DENND1C: variants seen among roughly 807,000 people sequenced by gnomAD.
DENND1C encodes DENN domain-containing protein 1C.
Under a neutral mutation model 87.9 loss-of-function variants are expected in DENND1C, and 64 were observed. The observed-to-expected ratio is 0.73, with a 90% CI of 0.60 to 0.90. DENND1C has a LOEUF of 0.90. DENND1C is among the 40% of genes least tolerant of loss of function. The pLI is 0.00. For missense variants in DENND1C, 980 were observed against 1,037.0 expected, an observed-to-expected ratio of 0.95 and a Z score of 0.76; for synonymous variants, 384 against 424.4, an observed-to-expected ratio of 0.90 and a Z score of 1.17.
At chr19:6,470,842 G>C (rs1467888758) in intron 17 of DENND1C, among the ~76,000 whole-genome samples, 1 of 151,764 alleles carries the variant, frequency 6.6e-6, no homozygotes, top group Non-Finnish European at 1.5e-5. Context: ...GGATGGTCTC[G>C]ATCTCCTGAC....
At position 6,477,383 on chromosome 19, in the gene DENND1C, C is replaced by T. The variant is rs780190888; in HGVS notation, c.442G>A (p.Glu148Lys). Residue 148 changes from glutamate to lysine, a missense_variant, in exon 7 of 23, where the codon GAG becomes AAG. Coordinates refer to ENST00000381480, the MANE Select transcript of DENND1C (RefSeq NM_024898.4). ...LSGPQASVGL[E>K]LGSGVTVSSG... ...AGGGAATGGGAGCTACTCACCAGCT[C>T]AAGCCCCACTGAGGCCTGGGGCCCA... The T allele has an allele frequency of 3.1e-6, 5 of 1,613,348 alleles. No homozygotes were observed. Among genetic ancestry groups the T allele is most frequent in the African/African-American group, 1.3e-5 (1 of 74,850 alleles).
chr19:6,478,505 C>T lies in DENND1C; in HGVS notation c.366+278G>A, dbSNP rs113133278. Among the ~76,000 whole-genome samples, 364 of 152,102 alleles carry T rather than the reference C, an allele frequency of 2.4e-3. 1 individual carries two copies. The highest frequency in any genetic ancestry group is 4.1e-3 in the Non-Finnish European group (281 of 67,984). On this transcript the variant is annotated intron_variant, in intron 6 of 22. Transcript: ENST00000381480. ...TCCTGACCTCAGGTGATCCGCTCGC[C>T]TTGTCCTCCCAAAGTGCTGGGATTA...
rs1457992535 is a variant in DENND1C at position 6,468,289 on chromosome 19, G to A, written c.1736C>T (p.Pro579Leu). The part of the protein sequence containing the change: ...MGAKSAGSLR[P>L]SQSLDCCHRG... ...GTGACAGCAGTCTAAACTCTGGCTC[G>A]GTCTCAGGCTGCCTGCGCTCTTGGC... The change falls in exon 22 of 23, where the codon CCG becomes CTG. Residue 579 changes from proline (P) to leucine (L), a missense_variant. Pro to Leu is a moderately conservative substitution (Grantham distance 98). Transcript: ENST00000381480. The A allele has an allele frequency of 3.7e-6, 6 of 1,613,604 alleles. No individual in the cohort carries two copies. The highest frequency in any genetic ancestry group is 2.2e-5 in the South Asian group (2 of 91,024).
At chr19:6,472,689 G>A (rs1441333505) in intron 15 of DENND1C, among the ~76,000 whole-genome samples, 200 bp downstream of exon 15, 1 of 151,974 alleles carries the variant, frequency 6.6e-6, no homozygotes, top group African/African-American at 2.4e-5. Flanking sequence ...GTGCCCAGCC[G>A]GGGGCTCCCA....
At chr19:6,481,521 G>T in intron 1 of DENND1C, 158 bp downstream of exon 1, 1 of 987,362 alleles carries the variant, frequency 1.0e-6, no homozygotes, top group Non-Finnish European at 1.5e-6. Context: ...CCAGAGTGAA[G>T]GTCATAGCGG....
At chr19:6,477,490 G>A (rs2092869565) in intron 6 of DENND1C, 32 bp from the exon 7 acceptor site, 4 of 1,600,588 alleles carry the variant, frequency 2.5e-6, no homozygotes, top group Non-Finnish European at 2.6e-6. Flanking sequence ...GGGGGTGGCT[G>A]AGCCAGATGT....
chr19:6,468,378 G>A lies in DENND1C; in HGVS notation c.1647C>T (p.Ser549=), dbSNP rs2092808031. ...CCAGTTCTTCTCCAGACCCCAAGAA[G>A]CTGCTGTCCAGAGCTTCTTCTGCCC... ...CPWAEEALDS[S]FLGSGEELDL... is the part of the protein sequence containing the mutation. The change falls in exon 22 of 23, where the codon AGC becomes AGT. Residue 549 remains serine (S), a synonymous_variant. Coordinates refer to ENST00000381480, the MANE Select transcript of DENND1C (RefSeq NM_024898.4). 1.9e-6 allele frequency: 3 copies of A among 1,613,900 alleles called. No individual in the cohort carries two copies. Among genetic ancestry groups the A allele is most frequent in the Non-Finnish European group, 2.5e-6 (3 of 1,179,858 alleles).
chr19:6,480,715 C>G (rs1246799294), intron 1 of DENND1C, among the ~76,000 whole-genome samples: 2 of 152,020 alleles, frequency 1.3e-5, no homozygotes, highest in Non-Finnish European at 2.9e-5. Flanking sequence ...AAGCGATTCT[C>G]CTGCCTCAGC....
Position 6,472,918 on chromosome 19 carries a change from G to T in DENND1C, c.1129C>A (p.Arg377=). ...TTGAACAGCTGCAGGTGCACAGCCC[G>T]CCGGTGGAAGGCCTGCAGAGGTGCC... ...PGAPLQAFHR[R]AVHLQLFKQF... is the part of the protein sequence containing the mutation. The change falls in exon 15 of 23, where the codon CGG becomes AGG. Residue 377 remains arginine (R), a synonymous_variant. Coordinates refer to ENST00000381480, the MANE Select transcript of DENND1C (RefSeq NM_024898.4). 6.3e-7 allele frequency: 1 copy of T among 1,589,188 alleles called. No individual in the cohort carries two copies. Among genetic ancestry groups the T allele is most frequent in the Non-Finnish European group, 8.6e-7 (1 of 1,168,922 alleles).
In DENND1C at chr19:6,468,395, C is replaced by T. The variant is rs760172696; in HGVS notation, c.1630G>A (p.Glu544Lys). ...CCCAAGAAGCTGCTGTCCAGAGCTT[C>T]TTCTGCCCACGGGCACCCCTCATCC... ...PEDEGCPWAEEALDSSFLGSG... is the reference protein window; with the variant it reads ...PEDEGCPWAEKALDSSFLGSG... The change falls in exon 22 of 23, where the codon GAA (glutamate) becomes AAA (lysine). Residue 544 changes from glutamate to lysine, a missense_variant. Physicochemically the swap from Glu to Lys is moderately conservative, Grantham distance 56 (BLOSUM62 1). Transcript: ENST00000381480. 10 of 1,613,886 alleles carry T rather than the reference C, an allele frequency of 6.2e-6. No individual in the cohort carries two copies. The highest frequency in any genetic ancestry group is 3.3e-4 in the Middle Eastern group (2 of 6,062).
chr19:6,470,609 A>AT (rs1476123568), intron 17 of DENND1C, among the ~76,000 whole-genome samples: 1 of 124,314 alleles, frequency 8.0e-6, no homozygotes, highest in African/African-American at 3.0e-5. Context: ...CTCAAAGAAC[A>AT]GTTTTTTTTT....
In DENND1C at chr19:6,469,464, TG is replaced by T. The variant is rs111334633; in HGVS notation, c.1407+131del. 526 of 842,744 alleles carry T rather than the reference TG, an allele frequency of 6.2e-4. 2 individuals are homozygous for T. In the African/African-American group the frequency reaches 8.2e-3, roughly 13 times the overall value. The allele number at this position is 842,744 out of a possible 1,614,324, so 52.2% of individuals were successfully genotyped here. A position where few individuals can be genotyped will look rare whatever the true frequency, so the allele number is the denominator to read the frequency against. On this transcript the variant is annotated intron_variant, in intron 19 of 22. Transcript: ENST00000381480. ...TTCAGATAATTTTTAACTATTTTTTTGTAGAGACAAGGCCCCACTATATTGC... is the reference window on the plus strand; with the variant it reads ...TTCAGATAATTTTTAACTATTTTTTTTAGAGACAAGGCCCCACTATATTGC...
rs550178766 is a variant in DENND1C at position 6,471,255 on chromosome 19, G to A, written c.1290+10C>T. On this transcript the variant is annotated intron_variant, in intron 17 of 22. Transcript: ENST00000381480. ...CCAACGCCCACGGCCTATTGTTCTGGTGGTCTTACCTTTAGATTGTCGGCC... is the reference window on the plus strand; with the variant it reads ...CCAACGCCCACGGCCTATTGTTCTGATGGTCTTACCTTTAGATTGTCGGCC... 2.3e-5 allele frequency: 36 copies of A among 1,582,124 alleles called. No homozygotes were observed. Among genetic ancestry groups the A allele is most frequent in the Middle Eastern group, 3.3e-4 (2 of 6,036 alleles).
chr19:6,467,879 C>T lies in DENND1C; in HGVS notation c.2031G>A (p.Glu677=). ...WGDPKPSPLT[E]PLILHLTPSH... Reference sequence around the variant, plus strand: ...AAGGGGTGAGATGAAGAATTAGGGGCTCTGTGAGAGGAGAGGGTTTGGGGT... The same window carrying T: ...AAGGGGTGAGATGAAGAATTAGGGGTTCTGTGAGAGGAGAGGGTTTGGGGT... Residue 677 remains glutamate (E), a synonymous_variant, in exon 23 of 23, where the codon GAG becomes GAA. Transcript: ENST00000381480. 4 of 1,609,594 alleles carry T rather than the reference C, an allele frequency of 2.5e-6. No individual in the cohort carries two copies. Among genetic ancestry groups the T allele is most frequent in the Non-Finnish European group, 2.5e-6 (3 of 1,177,928 alleles).
intron 19 of DENND1C, 22 bp downstream of exon 19, chr19:6,469,574 G>A: frequency 1.3e-6 from 2 of 1,596,288 alleles, no homozygotes; most frequent in African/African-American, 2.7e-5. Context: ...GTGAGCCACT[G>A]CACCCGGCCA....
chr19:6,469,924 G>A (rs1349459534), intron 18 of DENND1C: 17 of 489,480 alleles, frequency 3.5e-5, no homozygotes, highest in Non-Finnish European at 5.9e-5. Context: ...AAAATCGCAC[G>A]GACAATTTTG....
chr19:6,476,556 T>G, intron 10 of DENND1C: 7 of 292,106 alleles, frequency 2.4e-5, no homozygotes, highest in Non-Finnish European at 3.2e-5. Flanking sequence ...GATTCCCACG[T>G]GTATAAGTCC....
chr19:6,471,259 T>G lies in DENND1C; in HGVS notation c.1290+6A>C, dbSNP rs2092827428. The G allele has an allele frequency of 6.3e-7, 1 of 1,584,294 alleles. No homozygotes were observed. Among genetic ancestry groups the G allele is most frequent in the Non-Finnish European group, 8.6e-7 (1 of 1,164,968 alleles). ...CGCCCACGGCCTATTGTTCTGGTGG[T>G]CTTACCTTTAGATTGTCGGCCCAGA... On this transcript the variant is annotated splice_donor_region_variant and intron_variant, in intron 17 of 22. Transcript: ENST00000381480.
chr19:6,473,816 G>GGGGGGGGGGGTGGAAA (rs1231177042), intron 14 of DENND1C, among the ~76,000 whole-genome samples: 1 of 131,588 alleles, frequency 7.6e-6, no homozygotes, highest in Non-Finnish European at 1.6e-5. Context: ...GGGGGGTGGG[G>GGGGGGGGGGGTGGAAA]GGAGGGAAAT....
Sources: allele counts gnomAD v4.1 joint callset (sites outside exome capture counted in the v4.1 genomes callset), GRCh38; gene constraint gnomAD v4.1.1; transcripts MANE v1.5; gene names NCBI Gene and HGNC (gene_info 2026-07-23, HGNC 2026-07-21).